INSC: variants seen among roughly 807,000 people sequenced by gnomAD.
INSC encodes the protein INSC spindle orientation adaptor protein.
A neutral mutation model predicts 58.6 loss-of-function variants in INSC; 67 were observed. That is an observed-to-expected ratio of 1.14 (90% CI 0.94 to 1.40). The LOEUF is 1.40. Among genes scored for constraint, INSC ranks in the 40% most tolerant of loss-of-function variants. INSC has a pLI of 0.00. For synonymous variants in INSC, 262 were observed against 276.1 expected (o/e 0.95, Z 0.51); for missense variants, 714 against 692.0 (o/e 1.03, Z -0.36).
At position 15,177,125 on chromosome 11, in the gene INSC, A is replaced by C; in HGVS notation, c.417A>C (p.Leu139=). The C allele has an allele frequency of 6.2e-7, 1 of 1,613,964 alleles. No individual in the cohort carries two copies. The highest frequency in any genetic ancestry group is 8.5e-7 in the Non-Finnish European group (1 of 1,179,884). Residue 139 remains leucine (L), a synonymous_variant, in exon 4 of 13, where the codon CTA becomes CTC. Transcript: ENST00000379556. Reference sequence around the variant, plus strand: ...TTTTTCTACAGATTGAGAAGCTGCTAATGGAGAAATGCTCGGAGCTCTCGG... The same window carrying C: ...TTTTTCTACAGATTGAGAAGCTGCTCATGGAGAAATGCTCGGAGCTCTCGG... ...LKEMGEIEKL[L]MEKCSELSAV...
At chr11:15,196,525 T>A (rs541435493) in intron 6 of INSC, among the ~76,000 whole-genome samples, 12 of 152,294 alleles carry the variant, frequency 7.9e-5, no homozygotes, top group Non-Finnish European at 1.6e-4. Flanking sequence ...TTCCTCTTTT[T>A]CTGCTCCTGG....
At chr11:15,179,556 C>T (rs530867954) in intron 5 of INSC, among the ~76,000 whole-genome samples, 2 of 152,170 alleles carry the variant, frequency 1.3e-5, no homozygotes, top group African/African-American at 2.4e-5. Flanking sequence ...CCTGCCTCAC[C>T]CCCACTCCTC....
At chr11:15,131,022 G>C (rs189621644) in intron 1 of INSC, among the ~76,000 whole-genome samples, 108 of 151,842 alleles carry the variant, frequency 7.1e-4, no homozygotes, top group African/African-American at 2.6e-3. Flanking sequence ...TTTAATGTTT[G>C]TTCCTATCTT....
Position 15,224,923 on chromosome 11 carries a change from G to T in INSC, c.992-727G>T, listed in dbSNP as rs1851575332. 7.2e-5 allele frequency among the ~76,000 whole-genome samples: 11 copies of T among 152,292 alleles called. No individual in the cohort carries two copies. The South Asian group carries it at 2.3e-3, about 32-fold the overall frequency. ...TTGCTGCCAGATAACCCTTATCCTGGGACCAAAAGGAAGCACTGAGGCTCT... is the reference window on the plus strand; with the variant it reads ...TTGCTGCCAGATAACCCTTATCCTGTGACCAAAAGGAAGCACTGAGGCTCT... On this transcript the variant is annotated intron_variant, in intron 8 of 12. Transcript: ENST00000379556.
chr11:15,198,741 A>G (rs892660877), intron 6 of INSC, among the ~76,000 whole-genome samples: 35 of 152,174 alleles, frequency 2.3e-4, no homozygotes, highest in African/African-American at 8.4e-4. Flanking sequence ...ATGAGAGCTT[A>G]GGACTTCTAT....
chr11:15,200,759 A>T, intron 6 of INSC, 65 bp from the exon 7 acceptor site: 1 of 1,604,214 alleles, frequency 6.2e-7, no homozygotes, highest in Non-Finnish European at 8.5e-7. Flanking sequence ...GATGTCACTT[A>T]TTCTTGAGTT....
the INSC span, among the ~76,000 whole-genome samples, chr11:15,269,027 G>A: frequency 5.3e-5 from 8 of 151,898 alleles, no homozygotes; most frequent in South Asian, 2.1e-4. Context: ...ACATTTTTGC[G>A]TTTATTTGAA....
At position 15,246,126 on chromosome 11, in the gene INSC, C is replaced by T; in HGVS notation, c.*86C>T. The T allele has an allele frequency of 7.1e-7, 1 of 1,406,030 alleles. No homozygotes were observed. Among genetic ancestry groups the T allele is most frequent in the African/African-American group, 1.4e-5 (1 of 70,152 alleles). 87.1% of individuals were successfully genotyped at this position (1,406,030 alleles called of 1,614,324 possible). A position where few individuals can be genotyped will look rare whatever the true frequency, so the allele number is the denominator to read the frequency against. ...GAACACATCTGAGTACATACCAGCTCTCCTCATCTTCTTATTTATACTTAA... is the reference window on the plus strand; with the variant it reads ...GAACACATCTGAGTACATACCAGCTTTCCTCATCTTCTTATTTATACTTAA... On this transcript the variant is annotated 3_prime_UTR_variant, in exon 13 of 13. Coordinates refer to ENST00000379556, the MANE Select transcript of INSC (RefSeq NM_001042536.3).
At chr11:15,268,819 A>G in the INSC span, among the ~76,000 whole-genome samples, 5 of 152,226 alleles carry the variant, frequency 3.3e-5, no homozygotes, top group East Asian at 9.6e-4. Context: ...CCTAATCCTT[A>G]GCAGTGGTCA....
chr11:15,233,093 A>T (rs1364903646), intron 9 of INSC, among the ~76,000 whole-genome samples: 1 of 152,228 alleles, frequency 6.6e-6, no homozygotes, highest in South Asian at 2.1e-4. Context: ...GCAAAATGTG[A>T]TAGAGCCAGG....
chr11:15,145,819 G>A (rs1297668210), intron 1 of INSC, among the ~76,000 whole-genome samples: 1 of 152,222 alleles, frequency 6.6e-6, no homozygotes, highest in Admixed American at 6.5e-5. Flanking sequence ...GGAAGTGGGA[G>A]CAGTAGGCAG....
intron 9 of INSC, among the ~76,000 whole-genome samples, chr11:15,233,823 C>A (rs1390124389): frequency 6.6e-6 from 1 of 152,172 alleles, no homozygotes; most frequent in South Asian, 2.1e-4. Context: ...ATGTCTCAGC[C>A]CCTGTGTGGT....
intron 9 of INSC, among the ~76,000 whole-genome samples, chr11:15,232,382 A>G (rs1347533075): frequency 6.6e-6 from 1 of 152,102 alleles, no homozygotes; most frequent in East Asian, 1.9e-4. Context: ...CTTGATATTA[A>G]CTCATTGAAT....
At chr11:15,214,932 A>G (rs1851157181) in intron 7 of INSC, among the ~76,000 whole-genome samples, 1 of 152,186 alleles carries the variant, frequency 6.6e-6, no homozygotes, top group South Asian at 2.1e-4. Context: ...GGGCTCCTCA[A>G]ACTTGGACTT....
chr11:15,112,582 G>A (rs1200703058), upstream of INSC: 1 of 1,493,790 alleles, frequency 6.7e-7, no homozygotes, highest in Non-Finnish European at 9.1e-7. Context: ...ATCTGGGAAG[G>A]TGGATGTGAG....
chr11:15,198,276 C>A (rs1175063026), intron 6 of INSC, among the ~76,000 whole-genome samples: 1 of 152,176 alleles, frequency 6.6e-6, no homozygotes, highest in Non-Finnish European at 1.5e-5. Context: ...TTTAGCCAAA[C>A]TTAACCAGCA....
intron 5 of INSC, chr11:15,184,587 G>A (rs1849897781): frequency 6.6e-6 from 1 of 152,580 alleles, no homozygotes. Context: ...GTAGAGACGG[G>A]GTTTCACCAT....
At chr11:15,116,827 T>C (rs1476501235) in intron 1 of INSC, among the ~76,000 whole-genome samples, 1 of 38,430 alleles carries the variant, frequency 2.6e-5, no homozygotes, top group African/African-American at 1.6e-4. Context: ...CTTTCTTTCT[T>C]TCTTTCTTTC....
intron 10 of INSC, among the ~76,000 whole-genome samples, chr11:15,237,605 G>A (rs1235295775): frequency 6.6e-6 from 1 of 152,156 alleles, no homozygotes; most frequent in East Asian, 1.9e-4. Context: ...AATGCAACTG[G>A]TGTCTACTGG....
Sources: allele counts gnomAD v4.1 joint callset (sites outside exome capture counted in the v4.1 genomes callset), GRCh38; gene constraint gnomAD v4.1.1; transcripts MANE v1.5; gene names NCBI Gene and HGNC (gene_info 2026-07-23, HGNC 2026-07-21).